ADAMTS16: variants seen among roughly 807,000 people sequenced by gnomAD.
ADAMTS16 encodes the protein ADAM metallopeptidase with thrombospondin type 1 motif 16.
A neutral mutation model predicts 145.8 loss-of-function variants in ADAMTS16; 94 were observed. The observed-to-expected ratio is 0.64, with a 90% CI of 0.55 to 0.77. ADAMTS16 has a LOEUF of 0.77. ADAMTS16 is among the 30% of genes least tolerant of loss of function. ADAMTS16 has a pLI of 0.00. For missense variants in ADAMTS16, 1,585 were observed against 1,591.5 expected (o/e 1.00, Z 0.07); for synonymous variants, 659 against 604.3 (o/e 1.09, Z -1.33).
At chr5:5,145,296 G>A (rs986611791) in intron 2 of ADAMTS16, among the ~76,000 whole-genome samples, 1 of 152,120 alleles carries the variant, frequency 6.6e-6, no homozygotes. Context: ...AATACTCAAA[G>A]CTCATCATTT....
At chr5:5,179,216 A>G (rs1735273249) in intron 3 of ADAMTS16, among the ~76,000 whole-genome samples, 1 of 150,686 alleles carries the variant, frequency 6.6e-6, no homozygotes, top group African/African-American at 2.5e-5. Context: ...AAGTATGAGA[A>G]TGGGATGATA....
intron 11 of ADAMTS16, among the ~76,000 whole-genome samples, chr5:5,227,541 GTGTGTGTC>G (rs1242403210): frequency 9.8e-5 from 10 of 102,538 alleles, no homozygotes; most frequent in Non-Finnish European, 1.8e-4. Flanking sequence ...GTGTGTGTGT[GTGTGTGTC>G]TCTACATGCA....
intron 18 of ADAMTS16, among the ~76,000 whole-genome samples, chr5:5,285,092 C>T (rs1739056961): frequency 6.6e-6 from 1 of 152,118 alleles, no homozygotes; most frequent in Admixed American, 6.5e-5. Context: ...CACCATCTCT[C>T]CCAAAATGAC....
chr5:5,251,444 C>T lies in ADAMTS16; in HGVS notation c.2662+9253C>T, dbSNP rs55941414. ...TATAAACAAATAATGCTTCTATACT[C>T]CAAAGAAAGTTCCTTAGAAATTACA... On this transcript the variant is annotated intron_variant, in intron 17 of 22. Coordinates refer to ENST00000274181, the MANE Select transcript of ADAMTS16 (RefSeq NM_139056.4). Among the ~76,000 whole-genome samples, 1,345 of 152,304 alleles carry T rather than the reference C, an allele frequency of 8.8e-3. 19 individuals are homozygous for T. The highest frequency in any genetic ancestry group is 0.013 in the Admixed American group (206 of 15,308).
At chr5:5,245,980 G>A (rs146951522) in intron 17 of ADAMTS16, among the ~76,000 whole-genome samples, 2 of 152,250 alleles carry the variant, frequency 1.3e-5, no homozygotes, top group African/African-American at 4.8e-5. Context: ...AACTCAAATA[G>A]GGAAACAGCA....
In ADAMTS16 at chr5:5,200,245, G is replaced by A. The variant is rs777610990; in HGVS notation, c.1427G>A (p.Arg476His). The A allele has an allele frequency of 6.2e-6, 10 of 1,613,218 alleles. No homozygotes were observed. Among genetic ancestry groups the A allele is most frequent in the Admixed American group, 3.3e-5 (2 of 59,928 alleles). ...GTCTTCTCCTGGTCACCCTGCAGCCGCCAGTATCTACACAAATTTCTAAGG... is the reference window on the plus strand; with the variant it reads ...GTCTTCTCCTGGTCACCCTGCAGCCACCAGTATCTACACAAATTTCTAAGG... ...NGVFSWSPCS[R>H]QYLHKFLSTA... Residue 476 changes from arginine (R) to histidine (H), a missense_variant, in exon 9 of 23, where the codon CGC becomes CAC. By Grantham distance (29) the Arg-to-His change is conservative. This residue lies in a region of ADAMTS16 where 298 missense variants were observed against 367.6 expected (regional missense o/e 0.81). Coordinates refer to ENST00000274181, the MANE Select transcript of ADAMTS16 (RefSeq NM_139056.4).
intron 11 of ADAMTS16, among the ~76,000 whole-genome samples, chr5:5,226,100 G>A (rs1305599859): frequency 6.6e-6 from 1 of 152,148 alleles, no homozygotes; most frequent in Non-Finnish European, 1.5e-5. Flanking sequence ...GTTTTTGCAC[G>A]ACTCAGTTCT....
intron 17 of ADAMTS16, among the ~76,000 whole-genome samples, chr5:5,254,338 T>G (rs1737717862): frequency 6.6e-6 from 1 of 152,186 alleles, no homozygotes; most frequent in African/African-American, 2.4e-5. Context: ...CGCCCTATAT[T>G]CTTTTAATTT....
intron 18 of ADAMTS16, among the ~76,000 whole-genome samples, chr5:5,264,869 G>C (rs981949287): frequency 1.3e-5 from 2 of 152,174 alleles, no homozygotes; most frequent in Admixed American, 6.5e-5. Flanking sequence ...GTCAGCCAGG[G>C]CCTGTGGAGT....
At chr5:5,147,308 G>A (rs1465270002) in intron 3 of ADAMTS16, among the ~76,000 whole-genome samples, 1 of 152,152 alleles carries the variant, frequency 6.6e-6, no homozygotes, top group Non-Finnish European at 1.5e-5. Context: ...TCTTGAGGAT[G>A]TTAAAGGTTT....
In ADAMTS16 at chr5:5,250,739, G is replaced by A. The variant is rs1006215354; in HGVS notation, c.2662+8548G>A. ...TGTGTGTGTGTGTGTGTGTGTGTGC[G>A]CGCACTCCTGGAGAGGCACAGAGAT... On this transcript the variant is annotated intron_variant, in intron 17 of 22. Coordinates refer to ENST00000274181, the MANE Select transcript of ADAMTS16 (RefSeq NM_139056.4). Among the ~76,000 whole-genome samples, 22 of 142,486 alleles carry A rather than the reference G, an allele frequency of 1.5e-4. 2 individuals carry two copies. Among genetic ancestry groups the A allele is most frequent in the East Asian group, 3.9e-4 (2 of 5,142 alleles). 93.5% of individuals were successfully genotyped at this position (142,486 alleles called of 152,430 possible).
At chr5:5,170,208 T>C (rs1306947122) in intron 3 of ADAMTS16, among the ~76,000 whole-genome samples, 1 of 152,162 alleles carries the variant, frequency 6.6e-6, no homozygotes, top group Non-Finnish European at 1.5e-5. Flanking sequence ...CTCGCCAGCA[T>C]TTTGTTGCCT....
chr5:5,314,614 G>A (rs1224061756), intron 21 of ADAMTS16, among the ~76,000 whole-genome samples: 6 of 152,152 alleles, frequency 3.9e-5, no homozygotes, highest in African/African-American at 1.4e-4. Flanking sequence ...TTTTCAAAAT[G>A]TGCAGCTGAA....
intron 18 of ADAMTS16, 21 bp from the exon 19 acceptor site, chr5:5,303,228 TGGAGCCATCCCTCACCGAG>T: frequency 6.7e-7 from 1 of 1,493,282 alleles, no homozygotes. Context: ...ATCAGAGTGA[TGGAGCCATCCCTCACCGAG>T]GTCTCTTTGT....
rs369727680 is a variant in ADAMTS16, at chr5:5,179,348, G to C, written c.502-2696G>C. Reference sequence around the variant, plus strand: ...GGAGCCAATCATCTTCTGAGGGGGGGTTTGAAAAGTGAGCAAGTGTTTGCA... The same window carrying C: ...GGAGCCAATCATCTTCTGAGGGGGGCTTTGAAAAGTGAGCAAGTGTTTGCA... On this transcript the variant is annotated intron_variant, in intron 3 of 22. Transcript: ENST00000274181. Among the ~76,000 whole-genome samples, 242 of 152,086 alleles carry C rather than the reference G, an allele frequency of 1.6e-3. 2 individuals are homozygous for C. The highest frequency in any genetic ancestry group is 4.2e-3 in the South Asian group (20 of 4,804).
At chr5:5,239,635 G>T in intron 15 of ADAMTS16, 46 bp from the exon 16 acceptor site, 2 of 1,603,438 alleles carry the variant, frequency 1.2e-6, no homozygotes, top group Non-Finnish European at 1.7e-6. Context: ...TTTTGCCCCT[G>T]CTTTCTGGAA....
intron 9 of ADAMTS16, among the ~76,000 whole-genome samples, chr5:5,204,876 A>G (rs1210347718): frequency 1.3e-5 from 2 of 152,162 alleles, no homozygotes; most frequent in Admixed American, 1.3e-4. Context: ...ACACTCCCAG[A>G]AGCATTTGTG....
At chr5:5,309,578 C>T (rs918120553) in intron 21 of ADAMTS16, among the ~76,000 whole-genome samples, 3 of 152,184 alleles carry the variant, frequency 2.0e-5, no homozygotes, top group African/African-American at 7.2e-5. Flanking sequence ...CCTCCTGCAG[C>T]ACAGAACATC....
chr5:5,195,665 T>C (rs1174934665), intron 8 of ADAMTS16, among the ~76,000 whole-genome samples: 1 of 152,186 alleles, frequency 6.6e-6, no homozygotes, highest in African/African-American at 2.4e-5. Context: ...TGAGGTGCTA[T>C]AAAACAAATA....
Sources: allele counts gnomAD v4.1 joint callset (sites outside exome capture counted in the v4.1 genomes callset), GRCh38; gene constraint gnomAD v4.1.1; regional missense constraint gnomAD v4.1.1; transcripts MANE v1.5; gene names NCBI Gene and HGNC (gene_info 2026-07-23, HGNC 2026-07-21).